The following MYLK variants were observed in gnomAD, a reference collection of about 807,000 sequenced individuals.
MYLK encodes myosin light chain kinase, smooth muscle.
MYLK carries 106 observed loss-of-function variants against 203.4 expected under a neutral mutation model. That is an observed-to-expected ratio of 0.52 (90% CI 0.45 to 0.61). The LOEUF (loss-of-function observed/expected upper bound fraction) is 0.61. Ranked by LOEUF, MYLK falls within the 20% of genes least tolerant of loss-of-function variation. MYLK has a pLI of 0.00. For synonymous variants in MYLK, 867 were observed against 959.5 expected (o/e 0.90, Z 1.78); for missense variants, 2,072 against 2,442.3 (o/e 0.85, Z 3.20).
chr3:123,668,072 G>A (rs1228257285), intron 20 of MYLK, among the ~76,000 whole-genome samples: 1 of 152,184 alleles, frequency 6.6e-6, no homozygotes, highest in African/African-American at 2.4e-5. Context: ...GAACAGTCAT[G>A]CAGCACAAAC....
intron 2 of MYLK, among the ~76,000 whole-genome samples, chr3:123,844,822 G>GTTTTTTTTTTTTTTTTTTTTTT (rs146243787): frequency 8.5e-6 from 1 of 117,854 alleles, no homozygotes; most frequent in African/African-American, 3.3e-5. Flanking sequence ...CTCCTCAGTT[G>GTTTTTTTTTTTTTTTTTTTTTT]TTTTTTTTTT....
chr3:123,824,611 G>A (rs1188971534), intron 3 of MYLK, among the ~76,000 whole-genome samples: 1 of 152,026 alleles, frequency 6.6e-6, no homozygotes, highest in Non-Finnish European at 1.5e-5. Flanking sequence ...AAACAATAAC[G>A]TAAGAGATGG....
chr3:123,710,304 C>G (rs2061640810), intron 13 of MYLK, among the ~76,000 whole-genome samples: 1 of 142,488 alleles, frequency 7.0e-6, no homozygotes. Context: ...TCTTGTTCAT[C>G]TTGCCAGAAA....
intron 11 of MYLK, among the ~76,000 whole-genome samples, chr3:123,731,492 G>A (rs138560926): frequency 6.0e-4 from 91 of 152,192 alleles, no homozygotes; most frequent in African/African-American, 1.9e-3. Flanking sequence ...ACATGTTTTA[G>A]CATCAGTCTA....
intron 3 of MYLK, among the ~76,000 whole-genome samples, chr3:123,827,761 A>C (rs1386516238): frequency 6.3e-5 from 8 of 126,722 alleles, no homozygotes; most frequent in African/African-American, 2.3e-4. Flanking sequence ...AGACTCTACC[A>C]AAAAACTTAG....
intron 3 of MYLK, among the ~76,000 whole-genome samples, chr3:123,805,071 G>A (rs1392491932): frequency 6.6e-6 from 1 of 152,138 alleles, no homozygotes; most frequent in East Asian, 1.9e-4. Flanking sequence ...GACCCCTGGG[G>A]CCAAAGGCAG....
At chr3:123,617,057 G>A (rs1331792366) in intron 33 of MYLK, 1 of 152,120 alleles carries the variant, frequency 6.6e-6, no homozygotes, top group Non-Finnish European at 1.5e-5. Context: ...CAGACCATGA[G>A]GAAAATTGGG....
intron 4 of MYLK, among the ~76,000 whole-genome samples, chr3:123,787,449 C>G (rs1002967481): frequency 2.6e-5 from 4 of 152,080 alleles, no homozygotes; most frequent in Admixed American, 1.3e-4. Flanking sequence ...GGCAAGACAC[C>G]GGGAGTCTTA....
At chr3:123,877,541 T>A (rs1179019617) in intron 1 of MYLK, among the ~76,000 whole-genome samples, 1 of 152,066 alleles carries the variant, frequency 6.6e-6, no homozygotes, top group Non-Finnish European at 1.5e-5. Flanking sequence ...GCCTGCCCAA[T>A]CACAATAAGA....
intron 2 of MYLK, among the ~76,000 whole-genome samples, chr3:123,833,624 C>T (rs1560276048): frequency 6.6e-6 from 1 of 152,116 alleles, no homozygotes; most frequent in Non-Finnish European, 1.5e-5. Flanking sequence ...CTCACATGCA[C>T]CACAGACATT....
intron 4 of MYLK, among the ~76,000 whole-genome samples, chr3:123,778,985 A>G (rs1401232101): frequency 6.6e-6 from 1 of 152,216 alleles, no homozygotes; most frequent in Non-Finnish European, 1.5e-5. Flanking sequence ...CCTGGCAGCT[A>G]AAAATGAAGA....
chr3:123,744,199 T>C (rs1489568298), intron 5 of MYLK, among the ~76,000 whole-genome samples: 1 of 152,172 alleles, frequency 6.6e-6, no homozygotes, highest in African/African-American at 2.4e-5. Context: ...TACGGTGATA[T>C]AGAGCGAAAG....
In MYLK at chr3:123,700,522, G is replaced by C; in HGVS notation, c.2946C>G (p.Arg982=). The change falls in exon 18 of 34, where the codon CGC becomes CGG. Residue 982 remains arginine (R), a synonymous_variant. Transcript: ENST00000360304. ...ATTTCTTCTTGCCACCCAGCACTGA[G>C]CGAAAATCCGGGGTGGCAGGTTTTG... is the stretch of plus-strand genomic sequence containing the variant. ...PPPKPATPDF[R]SVLGGKKKLP... 2 of 1,613,468 alleles carry C rather than the reference G, an allele frequency of 1.2e-6. No homozygotes were observed. The highest frequency in any genetic ancestry group is 1.1e-5 in the South Asian group (1 of 91,050).
In MYLK at chr3:123,793,069, T is replaced by C. The variant is rs943020641; in HGVS notation, c.165+608A>G. Among the ~76,000 whole-genome samples, 50 of 152,334 alleles carry C rather than the reference T, an allele frequency of 3.3e-4. 1 individual carries two copies. Among genetic ancestry groups the C allele is most frequent in the African/African-American group, 1.2e-3 (50 of 41,582 alleles). On this transcript the variant is annotated intron_variant, in intron 4 of 33. Transcript: ENST00000360304. ...AGCTCCCTCTTAGACTGCTGAGTCA[T>C]AGTACAACTATTCTTCAGTGTTCTC...
intron 13 of MYLK, among the ~76,000 whole-genome samples, chr3:123,710,123 T>C (rs1273039536): frequency 6.6e-6 from 1 of 152,156 alleles, no homozygotes; most frequent in Non-Finnish European, 1.5e-5. Context: ...GAATGAACAA[T>C]GAGTTCTTAT....
chr3:123,811,311 C>T (rs948117980), intron 3 of MYLK, among the ~76,000 whole-genome samples: 11 of 152,170 alleles, frequency 7.2e-5, no homozygotes, highest in African/African-American at 2.7e-4. Flanking sequence ...GCAGGGCCAA[C>T]AGGGAGATCA....
At chr3:123,763,833 T>C (rs927788194) in intron 4 of MYLK, among the ~76,000 whole-genome samples, 2 of 152,352 alleles carry the variant, frequency 1.3e-5, no homozygotes, top group Admixed American at 1.3e-4. Flanking sequence ...ATATTTTCAT[T>C]ACTGGCAATG....
chr3:123,702,700 T>C (rs2061291776), intron 16 of MYLK, among the ~76,000 whole-genome samples: 1 of 152,156 alleles, frequency 6.6e-6, no homozygotes, highest in South Asian at 2.1e-4. Context: ...CTTATAAAGG[T>C]AAAGTAGTCC....
At chr3:123,709,918 G>C in intron 13 of MYLK, 25 bp from the exon 14 acceptor site, 1 of 1,613,394 alleles carries the variant, frequency 6.2e-7, no homozygotes, top group Non-Finnish European at 8.5e-7. Flanking sequence ...ACAGAACGTG[G>C]GGTGAACATT....
Sources: allele counts gnomAD v4.1 joint callset (sites outside exome capture counted in the v4.1 genomes callset), GRCh38; gene constraint gnomAD v4.1.1; transcripts MANE v1.5; gene names NCBI Gene and HGNC (gene_info 2026-07-23, HGNC 2026-07-21).